The following EGLN3 variants were observed in gnomAD, a reference collection of about 807,000 sequenced individuals.
EGLN3 encodes egl-9 family hypoxia inducible factor 3, also known as prolyl hydroxylase EGLN3.
In EGLN3, 15 loss-of-function variants were observed where a neutral mutation model predicts 26.0. The ratio of observed to expected loss-of-function variants is 0.58; its 90% CI spans 0.39 to 0.89. The LOEUF is 0.89. EGLN3 is among the 40% of genes least tolerant of loss of function. EGLN3 has a pLI of 0.00. For synonymous variants in EGLN3, 147 were observed against 127.2 expected (o/e 1.16, Z -1.05); for missense variants, 238 against 311.6 (o/e 0.76, Z 1.78).
chr14:33,941,625 T>A (rs182491636), intron 1 of EGLN3, among the ~76,000 whole-genome samples: 11 of 151,906 alleles, frequency 7.2e-5, no homozygotes, highest in Admixed American at 7.2e-4. Context: ...CTTTTGAAGA[T>A]GAAATTAAGC....
In EGLN3 at chr14:33,927,025, AT is replaced by A; in HGVS notation, c.622del (p.Met208Ter). The A allele has an allele frequency of 3.1e-6, 5 of 1,598,814 alleles. No homozygotes were observed. Among genetic ancestry groups the A allele is most frequent in the Non-Finnish European group, 4.3e-6 (5 of 1,172,760 alleles). On this transcript the variant is annotated frameshift_variant, in exon 4 of 5. Coordinates refer to ENST00000250457, the MANE Select transcript of EGLN3 (RefSeq NM_022073.4). LOFTEE classifies it high-confidence loss of function. ...VQPSYATRYA[M>X]TVWYFDAEER... ...TTCAGCATCAAAGTACCAGACAGTCATAGCATATCTGTGAAAGATAAGCAGA... is the reference window on the plus strand; with the variant it reads ...TTCAGCATCAAAGTACCAGACAGTCAAGCATATCTGTGAAAGATAAGCAGA...
intron 1 of EGLN3, among the ~76,000 whole-genome samples, chr14:33,935,613 AC>A (rs2064436176): frequency 1.4e-5 from 2 of 139,744 alleles, no homozygotes; most frequent in South Asian, 2.2e-4. Flanking sequence ...ACACACACAC[AC>A]ACACACATAT....
At chr14:33,937,640 T>G (rs1028882814) in intron 1 of EGLN3, among the ~76,000 whole-genome samples, 1 of 152,140 alleles carries the variant, frequency 6.6e-6, no homozygotes, top group African/African-American at 2.4e-5. Flanking sequence ...TTCATGAAAA[T>G]GTTTTTTACT....
chr14:33,945,664 A>C (rs756485449), intron 1 of EGLN3, among the ~76,000 whole-genome samples: 31 of 152,202 alleles, frequency 2.0e-4, no homozygotes, highest in Non-Finnish European at 4.0e-4. Context: ...AGAACACACC[A>C]GCTGTCCTGG....
At chr14:33,943,106 A>G (rs1384753659) in intron 1 of EGLN3, among the ~76,000 whole-genome samples, 1 of 152,232 alleles carries the variant, frequency 6.6e-6, no homozygotes, top group African/African-American at 2.4e-5. Context: ...GCAAAATTAA[A>G]GTAAATGTCA....
intron 3 of EGLN3, among the ~76,000 whole-genome samples, chr14:33,928,408 CACAG>C (rs1449995612): frequency 4.6e-5 from 7 of 152,178 alleles, no homozygotes; most frequent in Non-Finnish European, 1.0e-4. Context: ...TTGCTTTAGA[CACAG>C]ACAAAGGTAA....
intron 3 of EGLN3, among the ~76,000 whole-genome samples, chr14:33,928,126 G>A (rs951459341): frequency 1.3e-5 from 2 of 152,036 alleles, no homozygotes; most frequent in Non-Finnish European, 2.9e-5. Context: ...ACAAACAACA[G>A]GGTTTAGTTA....
At chr14:33,946,875 A>C (rs2064521778) in intron 1 of EGLN3, among the ~76,000 whole-genome samples, 1 of 152,250 alleles carries the variant, frequency 6.6e-6, no homozygotes, top group African/African-American at 2.4e-5. Context: ...GTTAGTTAAC[A>C]CTGAGCCTGA....
At chr14:33,935,594 C>CAT (rs199728962) in intron 1 of EGLN3, among the ~76,000 whole-genome samples, 45 of 119,854 alleles carry the variant, frequency 3.8e-4, no homozygotes, top group Middle Eastern at 3.8e-3. Context: ...AATACACACA[C>CAT]ACACACACAC....
chr14:33,938,572 C>T (rs1366311174), intron 1 of EGLN3, among the ~76,000 whole-genome samples: 3 of 152,156 alleles, frequency 2.0e-5, no homozygotes, highest in African/African-American at 7.2e-5. Flanking sequence ...CACTGGGAAC[C>T]ATCCCCCTCC....
chr14:33,948,757 A>G (rs2064535513), intron 1 of EGLN3: 1 of 152,206 alleles, frequency 6.6e-6, no homozygotes, highest in Non-Finnish European at 1.5e-5. Context: ...CCTCCCTCAG[A>G]GCAAATTCTG....
intron 1 of EGLN3, among the ~76,000 whole-genome samples, chr14:33,931,792 G>C (rs180810316): frequency 2.6e-5 from 4 of 152,332 alleles, no homozygotes; most frequent in African/African-American, 9.6e-5. Flanking sequence ...ACCCTAACTT[G>C]TTAACACAGA....
intron 1 of EGLN3, among the ~76,000 whole-genome samples, chr14:33,936,792 A>T (rs2064446087): frequency 6.6e-6 from 1 of 151,026 alleles, no homozygotes; most frequent in Non-Finnish European, 1.5e-5. Flanking sequence ...AAAACCTGAA[A>T]GAGACATGCC....
intron 1 of EGLN3, among the ~76,000 whole-genome samples, chr14:33,942,832 T>G (rs1469426675): frequency 2.0e-5 from 3 of 152,224 alleles, no homozygotes; most frequent in African/African-American, 7.2e-5. Flanking sequence ...CTCCAGAACT[T>G]GAGAATCATT....
intron 1 of EGLN3, among the ~76,000 whole-genome samples, chr14:33,946,185 T>C (rs1031208608): frequency 3.3e-5 from 5 of 152,172 alleles, no homozygotes; most frequent in Admixed American, 6.5e-5. Flanking sequence ...GAGATCAGCC[T>C]GACCAACAAG....
chr14:33,927,737 A>G (rs1398840665), intron 3 of EGLN3, among the ~76,000 whole-genome samples: 1 of 152,258 alleles, frequency 6.6e-6, no homozygotes, highest in Non-Finnish European at 1.5e-5. Flanking sequence ...TGGCGAGAAC[A>G]TAGAGAAGAG....
chr14:33,929,607 C>CT (rs993176495), intron 2 of EGLN3, among the ~76,000 whole-genome samples: 38 of 152,188 alleles, frequency 2.5e-4, no homozygotes, highest in African/African-American at 9.2e-4. Flanking sequence ...CCACTAGGGC[C>CT]TCCTGAAGTG....
At chr14:33,929,235 A>G in intron 2 of EGLN3, 23 bp from the exon 3 acceptor site, 1 of 1,613,024 alleles carries the variant, frequency 6.2e-7, no homozygotes, top group Non-Finnish European at 8.5e-7. Context: ...AAGAAGGGGG[A>G]TTATTTCTTA....
At chr14:33,944,393 T>C (rs1245248907) in intron 1 of EGLN3, among the ~76,000 whole-genome samples, 1 of 152,148 alleles carries the variant, frequency 6.6e-6, no homozygotes, top group Non-Finnish European at 1.5e-5. Context: ...GTGCTGGGAT[T>C]ACAGGTGTGA....
Sources: gnomAD v4.1 joint callset for allele counts (sites outside exome capture counted in the v4.1 genomes callset) on GRCh38, gnomAD v4.1.1 for gene constraint, MANE v1.5 for transcripts, NCBI Gene and HGNC (gene_info 2026-07-23, HGNC 2026-07-21) for gene names.